The following DLGAP2 variants were observed in gnomAD, a reference collection of about 807,000 sequenced individuals.
The protein encoded by DLGAP2 is disks large-associated protein 2.
Under a neutral mutation model 100.3 loss-of-function variants are expected in DLGAP2, and 26 were observed. That is an observed-to-expected ratio of 0.26 (90% confidence interval 0.19 to 0.36). The LOEUF is 0.36. DLGAP2 is among the 10% of genes least tolerant of loss of function. The probability of loss-of-function intolerance (pLI) is 1.00; values close to 1 mark genes in which losing one functional copy is unlikely to be tolerated. For synonymous variants in DLGAP2, 886 were observed against 630.1 expected (o/e 1.41, Z -6.08); for missense variants, 1,858 against 1,453.2 (o/e 1.28, Z -4.53).
chr8:1,430,027 T>TATATATATATATACAC (rs1282725274), intron 3 of DLGAP2, among the ~76,000 whole-genome samples: 20 of 76,892 alleles, frequency 2.6e-4, no homozygotes, highest in African/African-American at 9.4e-4. Context: ...TATATATATA[T>TATATATATATATACAC]ACACACACAC....
At chr8:815,606 C>G (rs1796461358) in intron 1 of DLGAP2, among the ~76,000 whole-genome samples, 1 of 152,122 alleles carries the variant, frequency 6.6e-6, no homozygotes, top group African/African-American at 2.4e-5. Flanking sequence ...TCCTAAACAA[C>G]TTGGTAAAGA....
At chr8:1,024,302 G>A (rs1453843600) in intron 2 of DLGAP2, among the ~76,000 whole-genome samples, 1 of 130,780 alleles carries the variant, frequency 7.6e-6, no homozygotes, top group East Asian at 2.3e-4. Flanking sequence ...GGACAGTCCC[G>A]TGCCGAGGCA....
At chr8:1,264,821 A>C (rs1799419867) in intron 3 of DLGAP2, among the ~76,000 whole-genome samples, 1 of 152,138 alleles carries the variant, frequency 6.6e-6, no homozygotes, top group South Asian at 2.1e-4. Flanking sequence ...ACCACGTGCC[A>C]TGGGAGGGAC....
chr8:1,590,348 G>A (rs1033197196), intron 6 of DLGAP2, among the ~76,000 whole-genome samples: 1 of 152,124 alleles, frequency 6.6e-6, no homozygotes, highest in Non-Finnish European at 1.5e-5. Context: ...GCATAAAATG[G>A]CACCCCTCTA....
At chr8:1,073,440 T>C (rs982698791) in intron 2 of DLGAP2, among the ~76,000 whole-genome samples, 1 of 152,196 alleles carries the variant, frequency 6.6e-6, no homozygotes. Flanking sequence ...GTATTAGCCT[T>C]GGAAATACAG....
chr8:1,097,223 C>T (rs1251939481), intron 2 of DLGAP2, among the ~76,000 whole-genome samples: 1 of 131,318 alleles, frequency 7.6e-6, no homozygotes, highest in Non-Finnish European at 1.6e-5. Flanking sequence ...AGGCCTTCAC[C>T]CTCTGTGGCA....
intron 2 of DLGAP2, among the ~76,000 whole-genome samples, chr8:1,133,143 C>G (rs1222541404): frequency 6.6e-6 from 1 of 152,192 alleles, no homozygotes; most frequent in South Asian, 2.1e-4. Flanking sequence ...GCATTAGCTT[C>G]CTTGGCTATT....
intron 2 of DLGAP2, among the ~76,000 whole-genome samples, chr8:999,307 A>G (rs1013683795): frequency 2.6e-5 from 4 of 151,264 alleles, no homozygotes; most frequent in Non-Finnish European, 5.9e-5. Context: ...CTTCCTGTGT[A>G]TTCCCCTTTC....
intron 12 of DLGAP2, among the ~76,000 whole-genome samples, chr8:1,683,876 G>GTATACACATATA (rs1766026378): frequency 9.7e-6 from 1 of 103,618 alleles, no homozygotes; most frequent in African/African-American, 4.3e-5. Flanking sequence ...GTGTGTGTGT[G>GTATACACATATA]TGTGTGTGTG....
intron 1 of DLGAP2, among the ~76,000 whole-genome samples, chr8:865,165 G>A (rs1286524541): frequency 1.3e-5 from 2 of 152,222 alleles, no homozygotes; most frequent in Non-Finnish European, 2.9e-5. Flanking sequence ...GGCCCACCAG[G>A]ACGACGGGTG....
At chr8:1,020,942 C>A (rs1801607510) in intron 2 of DLGAP2, among the ~76,000 whole-genome samples, 1 of 152,158 alleles carries the variant, frequency 6.6e-6, no homozygotes, top group South Asian at 2.1e-4. Flanking sequence ...TAAGAGCAGG[C>A]AAAGCAATTA....
At chr8:836,291 G>A (rs904490826) in intron 1 of DLGAP2, among the ~76,000 whole-genome samples, 1 of 152,186 alleles carries the variant, frequency 6.6e-6, no homozygotes, top group Non-Finnish European at 1.5e-5. Context: ...TCTTTCCTGT[G>A]GAGTAGACGC....
chr8:1,185,439 T>G (rs73537274), intron 2 of DLGAP2, among the ~76,000 whole-genome samples: 11,967 of 151,986 alleles, frequency 0.079, 1,388 homozygotes, highest in African/African-American at 0.25. Context: ...TGGGATGAGA[T>G]AGAATGGTTT....
intron 2 of DLGAP2, among the ~76,000 whole-genome samples, chr8:1,053,869 C>G (rs1196993292): frequency 1.3e-5 from 2 of 152,160 alleles, no homozygotes; most frequent in African/African-American, 2.4e-5. Context: ...GTTATGGTAA[C>G]CTTTTCTGCA....
At chr8:1,665,954 C>T (rs1205506322) in intron 8 of DLGAP2, among the ~76,000 whole-genome samples, 1 of 152,236 alleles carries the variant, frequency 6.6e-6, no homozygotes, top group Non-Finnish European at 1.5e-5. Context: ...ACTCAACACC[C>T]TTGATAAATC....
intron 2 of DLGAP2, among the ~76,000 whole-genome samples, chr8:1,209,599 T>C (rs1473535501): frequency 6.6e-6 from 1 of 152,200 alleles, no homozygotes; most frequent in Non-Finnish European, 1.5e-5. Flanking sequence ...TGTGATGGTA[T>C]TTGGAGATGG....
At chr8:1,390,518 C>T (rs1796324746) in intron 3 of DLGAP2, among the ~76,000 whole-genome samples, 1 of 152,186 alleles carries the variant, frequency 6.6e-6, no homozygotes, top group Non-Finnish European at 1.5e-5. Flanking sequence ...TACTGCACTG[C>T]AATTAGAAAA....
chr8:1,429,997 CATATATATACATATATATAT>C lies in DLGAP2; in HGVS notation c.107-71359_107-71340del, dbSNP rs796228600. On this transcript the variant is annotated intron_variant, in intron 3 of 14. Transcript: ENST00000637795. ...GAATGAAAGCAGAAGGGGAGAGATG[CATATATATACATATATATAT>C]ATATATATATACACACACACACATA... Among the ~76,000 whole-genome samples, 88 of 19,660 alleles carry C rather than the reference CATATATATACATATATATAT, an allele frequency of 4.5e-3. 12 individuals are homozygous for C. Among genetic ancestry groups the C allele is most frequent in the African/African-American group, 8.7e-3 (77 of 8,846 alleles). 12.9% of individuals were successfully genotyped at this position (19,660 alleles called of 152,430 possible). A position where few individuals can be genotyped will look rare whatever the true frequency, so the allele number is the denominator to read the frequency against.
chr8:1,213,427 T>G (rs1798147099), intron 2 of DLGAP2, among the ~76,000 whole-genome samples: 1 of 152,232 alleles, frequency 6.6e-6, no homozygotes, highest in African/African-American at 2.4e-5. Flanking sequence ...ATTGATTTCC[T>G]AATATTACAT....
Sources: gnomAD v4.1 joint callset for allele counts (sites outside exome capture counted in the v4.1 genomes callset) on GRCh38, gnomAD v4.1.1 for gene constraint, MANE v1.5 for transcripts, NCBI Gene and HGNC (gene_info 2026-07-23, HGNC 2026-07-21) for gene names.